SGIP1: variants seen among roughly 807,000 people sequenced by gnomAD.
SGIP1 encodes SH3-containing GRB2-like protein 3-interacting protein 1.
Under a neutral mutation model 107.5 loss-of-function variants are expected in SGIP1, and 38 were observed. The observed-to-expected ratio is 0.35, with a 90% CI of 0.27 to 0.46. The LOEUF (loss-of-function observed/expected upper bound fraction) is 0.46, where lower values mean the gene tolerates loss of function less well. Among genes scored for constraint, SGIP1 ranks in the 20% least tolerant of loss-of-function variants. The probability of loss-of-function intolerance (pLI) is 1.00; values close to 1 mark genes in which losing one functional copy is unlikely to be tolerated. For synonymous variants in SGIP1, 365 were observed against 366.1 expected, an observed-to-expected ratio of 1.00 and a Z score of 0.03; for missense variants, 929 against 1,019.5, an observed-to-expected ratio of 0.91 and a Z score of 1.21.
chr1:66,639,098 G>A (rs532104472), intron 4 of SGIP1, among the ~76,000 whole-genome samples: 1 of 152,284 alleles, frequency 6.6e-6, no homozygotes, highest in African/African-American at 2.4e-5. Context: ...GAGTAGTGCT[G>A]ATATCCAGTA....
At chr1:66,548,354 G>T (rs1446868466) in intron 1 of SGIP1, among the ~76,000 whole-genome samples, 1 of 151,930 alleles carries the variant, frequency 6.6e-6, no homozygotes, top group East Asian at 1.9e-4. Context: ...AAGGGATGGT[G>T]GTGCCCTCCC....
chr1:66,610,342 A>G (rs1339995364), intron 1 of SGIP1, among the ~76,000 whole-genome samples: 1 of 152,188 alleles, frequency 6.6e-6, no homozygotes, highest in Admixed American at 6.5e-5. Context: ...TCTCATATTT[A>G]ATGAAGCAAG....
chr1:66,722,960 G>T (rs1475475473), intron 19 of SGIP1, among the ~76,000 whole-genome samples: 1 of 152,158 alleles, frequency 6.6e-6, no homozygotes, highest in Non-Finnish European at 1.5e-5. Flanking sequence ...TATGGAATCT[G>T]TTTTTAATTT....
intron 1 of SGIP1, among the ~76,000 whole-genome samples, chr1:66,611,373 CG>C (rs1210650841): frequency 6.6e-6 from 1 of 152,082 alleles, no homozygotes; most frequent in African/African-American, 2.4e-5. Flanking sequence ...GAAGGGATAA[CG>C]GGGTTTAAAA....
chr1:66,650,055 A>G (rs185970289), intron 7 of SGIP1, among the ~76,000 whole-genome samples: 9 of 152,332 alleles, frequency 5.9e-5, no homozygotes, highest in East Asian at 5.8e-4. Flanking sequence ...TCTCATTGCT[A>G]TAGAGCCTAG....
intron 19 of SGIP1, among the ~76,000 whole-genome samples, chr1:66,724,164 A>G (rs2093657761): frequency 6.6e-6 from 1 of 152,212 alleles, no homozygotes; most frequent in African/African-American, 2.4e-5. Context: ...CATTCCCTGA[A>G]CAAAACTGGC....
chr1:66,579,414 A>G (rs2061519588), intron 1 of SGIP1, among the ~76,000 whole-genome samples: 1 of 152,152 alleles, frequency 6.6e-6, no homozygotes, highest in Admixed American at 6.5e-5. Flanking sequence ...AGACATAGAC[A>G]TTTCATAGGA....
At chr1:66,671,330 TG>T (rs996114369) in intron 10 of SGIP1, among the ~76,000 whole-genome samples, 1 of 152,254 alleles carries the variant, frequency 6.6e-6, no homozygotes, top group Non-Finnish European at 1.5e-5. Context: ...TATTTGTTGC[TG>T]GGGGTGGGAA....
At chr1:66,705,085 G>C (rs2092368531) in intron 18 of SGIP1, among the ~76,000 whole-genome samples, 1 of 152,098 alleles carries the variant, frequency 6.6e-6, no homozygotes, top group Non-Finnish European at 1.5e-5. Flanking sequence ...CTTAAGATTT[G>C]AACCTTTTTA....
intron 1 of SGIP1, among the ~76,000 whole-genome samples, chr1:66,569,092 T>C (rs2060041314): frequency 6.6e-6 from 1 of 152,022 alleles, no homozygotes; most frequent in South Asian, 2.1e-4. Context: ...TGATCTCTTC[T>C]CCTGAGCTTA....
At chr1:66,733,973 T>A (rs908976059) in intron 21 of SGIP1, 93 bp downstream of exon 21, 2 of 1,353,396 alleles carry the variant, frequency 1.5e-6, no homozygotes, top group African/African-American at 2.9e-5. Context: ...AAGTAACACT[T>A]CTTTTAACAG....
intron 24 of SGIP1, among the ~76,000 whole-genome samples, chr1:66,742,193 GA>G (rs2094468451): frequency 6.6e-6 from 1 of 152,074 alleles, no homozygotes; most frequent in Non-Finnish European, 1.5e-5. Context: ...CAAACTCAAA[GA>G]ATCTAGGCCA....
At chr1:66,680,878 GCAATTTGTAAT>G in intron 14 of SGIP1, among the ~76,000 whole-genome samples, 1 of 152,290 alleles carries the variant, frequency 6.6e-6, no homozygotes, top group South Asian at 2.1e-4. Context: ...TATTTAGGTA[GCAATTTGTAAT>G]GTGAATAATC....
chr1:66,649,044 T>C (rs1005093459), intron 7 of SGIP1, among the ~76,000 whole-genome samples: 6 of 152,202 alleles, frequency 3.9e-5, no homozygotes, highest in Non-Finnish European at 5.9e-5. Flanking sequence ...AAAAAACCAC[T>C]TCTCCTTTTT....
intron 18 of SGIP1, among the ~76,000 whole-genome samples, chr1:66,718,947 A>G (rs557847366): frequency 1.9e-4 from 29 of 152,276 alleles, no homozygotes; most frequent in East Asian, 1.3e-3. Context: ...GAAACTAATA[A>G]CTGTCTTTAT....
At chr1:66,679,553 T>C in intron 13 of SGIP1, 125 bp from the exon 14 acceptor site, 1 of 974,634 alleles carries the variant, frequency 1.0e-6, no homozygotes, top group Non-Finnish European at 1.5e-6. Context: ...AAGTAGACCA[T>C]TAATTGCTAT....
intron 2 of SGIP1, 34 bp downstream of exon 2, chr1:66,625,944 G>A (rs2072568565): frequency 6.4e-7 from 1 of 1,572,130 alleles, no homozygotes; most frequent in African/African-American, 1.4e-5. Flanking sequence ...CCTCGAAGAA[G>A]CTATTTGCAT....
At chr1:66,671,086 G>C in intron 10 of SGIP1, 67 bp downstream of exon 10, 1 of 814,118 alleles carries the variant, frequency 1.2e-6, no homozygotes, top group Admixed American at 2.4e-5. Context: ...TTGGATCTTG[G>C]AGTATATGTA....
chr1:66,571,042 T>C (rs1199190940), intron 1 of SGIP1, among the ~76,000 whole-genome samples: 1 of 151,966 alleles, frequency 6.6e-6, no homozygotes, highest in African/African-American at 2.4e-5. Context: ...GATAAGTGCC[T>C]CCCAATGGGA....
Sources: gnomAD v4.1 joint callset for allele counts (sites outside exome capture counted in the v4.1 genomes callset) on GRCh38, gnomAD v4.1.1 for gene constraint, MANE v1.5 for transcripts, NCBI Gene and HGNC (gene_info 2026-07-23, HGNC 2026-07-21) for gene names.